SLC25A28: variants seen among roughly 807,000 people sequenced by gnomAD.
SLC25A28 encodes mitoferrin-2.
Under a neutral mutation model 31.9 loss-of-function variants are expected in SLC25A28, and 10 were observed. The observed-to-expected ratio is 0.31, with a 90% CI of 0.19 to 0.53. The LOEUF (loss-of-function observed/expected upper bound fraction) is 0.53, where lower values mean the gene tolerates loss of function less well. Ranked by LOEUF, SLC25A28 falls within the 20% of genes least tolerant of loss-of-function variation. SLC25A28 has a pLI of 0.95. For synonymous variants in SLC25A28, 208 were observed against 203.6 expected (o/e 1.02, Z -0.19); for missense variants, 256 against 490.3 (o/e 0.52, Z 4.51).
chr10:99,627,000 G>A, the SLC25A28 span, among the ~76,000 whole-genome samples: 3 of 151,960 alleles, frequency 2.0e-5, no homozygotes, highest in African/African-American at 7.3e-5. Flanking sequence ...CAGCACTTTG[G>A]GAGGCCACAG....
chr10:99,636,611 C>T, the SLC25A28 span, among the ~76,000 whole-genome samples: 1 of 151,904 alleles, frequency 6.6e-6, no homozygotes, highest in African/African-American at 2.4e-5. Context: ...AGGAAATATC[C>T]AATACTGACA....
chr10:99,617,223 G>A (rs1370402335), intron 1 of SLC25A28: 2 of 985,236 alleles, frequency 2.0e-6, no homozygotes, highest in Middle Eastern at 5.2e-4. Context: ...TGCCTTTGAG[G>A]CCCAGAAAAG....
intron 1 of SLC25A28, chr10:99,617,562 G>T: frequency 2.0e-6 from 2 of 985,426 alleles, no homozygotes; most frequent in Non-Finnish European, 2.4e-6. Context: ...AAGCAAACTG[G>T]GAAGTCTTTT....
At chr10:99,623,899 C>T (rs777236229), upstream of SLC25A28, among the ~76,000 whole-genome samples, 2 of 152,202 alleles carry the variant, frequency 1.3e-5, no homozygotes, top group Admixed American at 6.5e-5. Context: ...AGACACAGAG[C>T]TTTTAGGATT....
At chr10:99,651,416 G>C in the SLC25A28 span, among the ~76,000 whole-genome samples, 1 of 151,972 alleles carries the variant, frequency 6.6e-6, no homozygotes. Flanking sequence ...TGGGTTGTTT[G>C]CTTTCTCATT....
At chr10:99,650,563 G>A in the SLC25A28 span, among the ~76,000 whole-genome samples, 1 of 152,008 alleles carries the variant, frequency 6.6e-6, no homozygotes, top group Non-Finnish European at 1.5e-5. Flanking sequence ...CTTGGGCCTG[G>A]GACCAGAGAG....
At chr10:99,646,664 G>A in the SLC25A28 span, among the ~76,000 whole-genome samples, 1 of 152,192 alleles carries the variant, frequency 6.6e-6, no homozygotes, top group African/African-American at 2.4e-5. Context: ...GACTAGAGCT[G>A]TTCCTATTCG....
chr10:99,645,140 G>A, the SLC25A28 span, among the ~76,000 whole-genome samples: 3 of 152,294 alleles, frequency 2.0e-5, no homozygotes, highest in African/African-American at 7.2e-5. Flanking sequence ...ATAATATCCT[G>A]AAGAGTGTTT....
chr10:99,633,673 A>AG, the SLC25A28 span, among the ~76,000 whole-genome samples: 3 of 149,528 alleles, frequency 2.0e-5, no homozygotes, highest in Admixed American at 2.0e-4. Context: ...TGTCTTAAGA[A>AG]AAAAAAAAAA....
chr10:99,631,904 T>TTTTTTTG, the SLC25A28 span, among the ~76,000 whole-genome samples: 1 of 133,310 alleles, frequency 7.5e-6, no homozygotes, highest in African/African-American at 2.8e-5. Flanking sequence ...TTTTTTTTTT[T>TTTTTTTG]TTTGAGACGG....
upstream of SLC25A28, chr10:99,622,635 T>C (rs2034818306): frequency 4.1e-6 from 4 of 985,242 alleles, no homozygotes; most frequent in African/African-American, 1.7e-5. Context: ...CCACACCACA[T>C]TGGCACTTTT....
the SLC25A28 span, among the ~76,000 whole-genome samples, chr10:99,654,167 G>A: frequency 6.6e-6 from 1 of 152,140 alleles, no homozygotes; most frequent in Admixed American, 6.5e-5. Flanking sequence ...TAGTGAGCTT[G>A]GAAGCTGTTG....
chr10:99,615,712 G>T, intron 1 of SLC25A28: 1 of 985,428 alleles, frequency 1.0e-6, no homozygotes, highest in Non-Finnish European at 1.2e-6. Context: ...CAGAAGAGTT[G>T]TTCATAGAGA....
chr10:99,618,409 C>T (rs2034706428), intron 1 of SLC25A28: 1 of 985,282 alleles, frequency 1.0e-6, no homozygotes, highest in African/African-American at 1.7e-5. Context: ...AGAAAAACAG[C>T]ATCCTAAACC....
chr10:99,638,844 G>A, the SLC25A28 span, among the ~76,000 whole-genome samples: 1 of 152,132 alleles, frequency 6.6e-6, no homozygotes, highest in African/African-American at 2.4e-5. Flanking sequence ...TGATGGGAAC[G>A]TAAACTAGTA....
rs1238157499 is a variant in SLC25A28, at chr10:99,613,294, G to A, written c.520+402C>T. On this transcript the variant is annotated intron_variant, in intron 2 of 3. Transcript: ENST00000370495. This position sits in a 1 kb window ranked among gnomAD's most constrained non-coding sequence, Gnocchi z 4.9. ...CCTGAAAAGGTGAGGCAAAAAGCAG[G>A]GGCTTCATTAGTATCTTCCTTGGGT... 7 of 756,810 alleles carry A rather than the reference G, an allele frequency of 9.2e-6. No homozygotes were observed. The highest frequency in any genetic ancestry group is 1.1e-5 in the Non-Finnish European group (7 of 621,578). 46.9% of individuals were successfully genotyped at this position (756,810 alleles called of 1,614,324 possible).
At chr10:99,627,301 C>G in the SLC25A28 span, among the ~76,000 whole-genome samples, 130,774 of 152,204 alleles carry the variant, frequency 0.86, 56,257 homozygotes, top group Middle Eastern at 0.93. Context: ...TATAGGGTAT[C>G]TGAGATGTTT....
At chr10:99,639,156 A>T in the SLC25A28 span, among the ~76,000 whole-genome samples, 1 of 152,006 alleles carries the variant, frequency 6.6e-6, no homozygotes, top group Non-Finnish European at 1.5e-5. Flanking sequence ...ACTCAGCCAT[A>T]AAAAGGAGTG....
At chr10:99,648,907 G>A in the SLC25A28 span, among the ~76,000 whole-genome samples, 1 of 152,006 alleles carries the variant, frequency 6.6e-6, no homozygotes, top group African/African-American at 2.4e-5. Flanking sequence ...CAGCAAACAG[G>A]AATAATTTGA....
Sources: gnomAD v4.1 joint callset for allele counts (sites outside exome capture counted in the v4.1 genomes callset) on GRCh38, gnomAD v4.1.1 for gene constraint, Gnocchi (gnomAD v3.1) non-coding constraint, MANE v1.5 for transcripts, NCBI Gene and HGNC (gene_info 2026-07-23, HGNC 2026-07-21) for gene names.